Variants in DPYSL3 observed in about 807,000 individuals in gnomAD.
The protein encoded by DPYSL3 is dihydropyrimidinase like 3, also known as dihydropyrimidinase-related protein 3.
Under a neutral mutation model 66.1 loss-of-function variants are expected in DPYSL3, and 16 were observed. That is an observed-to-expected ratio of 0.24 (90% CI 0.16 to 0.37). DPYSL3 has a LOEUF of 0.37. Ranked by LOEUF, DPYSL3 falls within the 10% of genes least tolerant of loss-of-function variation. DPYSL3 has a pLI of 1.00. For missense variants in DPYSL3, 738 were observed against 916.2 expected, an observed-to-expected ratio of 0.81 and a Z score of 2.51; for synonymous variants, 338 against 345.1, an observed-to-expected ratio of 0.98 and a Z score of 0.23.
Position 147,434,799 on chromosome 5 carries a change from C to T in DPYSL3, c.382-9836G>A, listed in dbSNP as rs1752386982. 2.6e-5 allele frequency among the ~76,000 whole-genome samples: 4 copies of T among 152,206 alleles called. No homozygotes were observed. The South Asian group carries it at 8.3e-4, about 32-fold the overall frequency. ...GAGTAAGCGGAGCACTGAAGTGGCT[C>T]AGAGCAGTGAAACTGTCCTAGACGA... is the stretch of plus-strand genomic sequence containing the variant. On this transcript the variant is annotated intron_variant, in intron 1 of 13. Transcript: ENST00000343218.
intron 1 of DPYSL3, among the ~76,000 whole-genome samples, chr5:147,486,174 T>C (rs1753326680): frequency 6.6e-6 from 1 of 152,188 alleles, no homozygotes; most frequent in African/African-American, 2.4e-5. Context: ...GAAAGCAGAT[T>C]AGTGAATGCC....
intron 1 of DPYSL3, among the ~76,000 whole-genome samples, chr5:147,507,357 T>A (rs78990444): frequency 6.6e-6 from 1 of 150,674 alleles, no homozygotes; most frequent in South Asian, 2.1e-4. Flanking sequence ...TTTTTTTTTT[T>A]AAGTAAAGTT....
rs778792059 is a variant in DPYSL3 at position 147,399,248 on chromosome 5, G to C, written c.1457C>G (p.Thr486Arg). 1.3e-5 allele frequency: 21 copies of C among 1,613,708 alleles called. 1 individual carries two copies. In the East Asian group the frequency reaches 4.5e-4, roughly 34 times the overall value. ...GAACTGGTTTTCGTCCATTTTCCCT[G>C]TGGCCTATTGAAATATAAGAAATTA... ...MSVIWDKAVA[T>R]GKMDENQFVA... Residue 486 changes from threonine to arginine, a missense_variant, in exon 11 of 14, where the codon ACA (threonine) becomes AGA (arginine). Thr to Arg is a moderately conservative substitution (Grantham distance 71, BLOSUM62 -1). Coordinates refer to ENST00000343218, the MANE Select transcript of DPYSL3 (RefSeq NM_001197294.2).
chr5:147,393,863 T>C lies in DPYSL3; in HGVS notation c.*172A>G. 1 of 675,436 alleles carries C rather than the reference T, an allele frequency of 1.5e-6. No individual in the cohort carries two copies. The highest frequency in any genetic ancestry group is 2.5e-6 in the Non-Finnish European group (1 of 396,710). The allele number at this position is 675,436 out of a possible 1,614,324, so 41.8% of individuals were successfully genotyped here. On this transcript the variant is annotated 3_prime_UTR_variant, in exon 14 of 14. Coordinates refer to ENST00000343218, the MANE Select transcript of DPYSL3 (RefSeq NM_001197294.2). ...TGCATAAACAGAAAACAAAGCAATA[T>C]TCGTAAAGCTAGGCAAGCGAGCGTA...
chr5:147,477,525 T>C (rs542242861), intron 1 of DPYSL3, among the ~76,000 whole-genome samples: 61 of 146,614 alleles, frequency 4.2e-4, no homozygotes, highest in African/African-American at 1.4e-3. Context: ...AGAAAGTACA[T>C]TGAGTGCAGA....
At chr5:147,402,112 C>T (rs1758199300) in intron 8 of DPYSL3, 1 of 167,422 alleles carries the variant, frequency 6.0e-6, no homozygotes, top group Non-Finnish European at 1.3e-5. Context: ...AAGATGATGT[C>T]TACTTCTTAG....
Position 147,422,070 on chromosome 5 carries a change from G to T in DPYSL3, c.470+2805C>A, listed in dbSNP as rs1752092163. On this transcript the variant is annotated intron_variant, in intron 2 of 13. Transcript: ENST00000343218. ...AAGAAACTATCATCAGAGTGAACAG[G>T]CATGGGAGAAAATTTTTGCAATCTA... is the stretch of plus-strand genomic sequence containing the variant. 2.0e-5 allele frequency among the ~76,000 whole-genome samples: 3 copies of T among 151,936 alleles called. No individual in the cohort carries two copies. The South Asian group carries it at 6.2e-4, about 31-fold the overall frequency.
At chr5:147,408,388 A>G (rs977699783) in intron 7 of DPYSL3, among the ~76,000 whole-genome samples, 21 of 152,250 alleles carry the variant, frequency 1.4e-4, no homozygotes, top group African/African-American at 4.3e-4. Flanking sequence ...CATCTTATCT[A>G]TATGCCAATA....
chr5:147,455,964 T>C (rs1752846730), intron 1 of DPYSL3, among the ~76,000 whole-genome samples: 1 of 152,096 alleles, frequency 6.6e-6, no homozygotes, highest in South Asian at 2.1e-4. Flanking sequence ...TTGGTTAAGC[T>C]TTTTTGAGGT....
chr5:147,402,718 G>C (rs927147180), intron 8 of DPYSL3, among the ~76,000 whole-genome samples: 2 of 151,926 alleles, frequency 1.3e-5, no homozygotes, highest in African/African-American at 4.8e-5. Flanking sequence ...AATAACCTAG[G>C]ACACATCAAA....
At chr5:147,436,083 C>T (rs929678896) in intron 1 of DPYSL3, among the ~76,000 whole-genome samples, 4 of 152,202 alleles carry the variant, frequency 2.6e-5, no homozygotes, top group Non-Finnish European at 4.4e-5. Flanking sequence ...ATTGTTCACT[C>T]TCCCTCTAAT....
chr5:147,444,660 G>C (rs145928053), intron 1 of DPYSL3, among the ~76,000 whole-genome samples: 1 of 152,088 alleles, frequency 6.6e-6, no homozygotes. Flanking sequence ...TAAACTCTCT[G>C]GTTTGTACCC....
At chr5:147,469,079 G>A (rs916674837) in intron 1 of DPYSL3, among the ~76,000 whole-genome samples, 17 of 152,324 alleles carry the variant, frequency 1.1e-4, no homozygotes, top group Admixed American at 9.8e-4. Flanking sequence ...AGACTCCTCT[G>A]CCAAAATTCT....
chr5:147,478,245 C>T (rs1296609380), intron 1 of DPYSL3, among the ~76,000 whole-genome samples: 1 of 152,196 alleles, frequency 6.6e-6, no homozygotes, highest in Non-Finnish European at 1.5e-5. Context: ...AGCTTATACA[C>T]ATTAATATCA....
chr5:147,393,988 A>C lies in DPYSL3; in HGVS notation c.*47T>G. On this transcript the variant is annotated 3_prime_UTR_variant, in exon 14 of 14. Transcript: ENST00000343218. ...AATATCGGTGTACCATTTTGGCTTC[A>C]AAACAATCTCTTCTTGCTTCTGCCC... 6.3e-7 allele frequency: 1 copy of C among 1,599,230 alleles called. No individual in the cohort carries two copies. Among genetic ancestry groups the C allele is most frequent in the Non-Finnish European group, 8.6e-7 (1 of 1,168,042 alleles).
chr5:147,457,124 T>C (rs1752864058), intron 1 of DPYSL3, among the ~76,000 whole-genome samples: 1 of 152,212 alleles, frequency 6.6e-6, no homozygotes, highest in African/African-American at 2.4e-5. Flanking sequence ...GTTAGTGCAA[T>C]GGAGGTGAAT....
chr5:147,478,505 T>C (rs568895190), intron 1 of DPYSL3, among the ~76,000 whole-genome samples: 2 of 152,320 alleles, frequency 1.3e-5, no homozygotes, highest in East Asian at 1.9e-4. Flanking sequence ...TTTGTGGCCT[T>C]ACATGCACTC....
chr5:147,488,523 C>A (rs1163729746), intron 1 of DPYSL3, among the ~76,000 whole-genome samples: 4 of 152,122 alleles, frequency 2.6e-5, no homozygotes, highest in African/African-American at 9.7e-5. Context: ...TCATTACCAG[C>A]CTGGGCAACA....
chr5:147,485,711 G>A lies in DPYSL3; in HGVS notation c.381+23767C>T, dbSNP rs144730824. Among the ~76,000 whole-genome samples, 117 of 152,254 alleles carry A rather than the reference G, an allele frequency of 7.7e-4. 1 individual carries two copies. Among genetic ancestry groups the A allele is most frequent in the African/African-American group, 2.7e-3 (112 of 41,546 alleles). ...CCTTACAGAGCTGAGCAGGATGGTA[G>A]GTTGGAAACAGCACTGACCTGGGAA... On this transcript the variant is annotated intron_variant, in intron 1 of 13. Transcript: ENST00000343218.
Sources: allele counts gnomAD v4.1 joint callset (sites outside exome capture counted in the v4.1 genomes callset), GRCh38; gene constraint gnomAD v4.1.1; transcripts MANE v1.5; gene names NCBI Gene and HGNC (gene_info 2026-07-23, HGNC 2026-07-21).